The following PAPPA2 variants were observed in gnomAD, a reference collection of about 807,000 sequenced individuals.
PAPPA2 encodes the protein pappalysin 2.
A neutral mutation model predicts 176.4 loss-of-function variants in PAPPA2; 86 were observed. That is an observed-to-expected ratio of 0.49 (90% CI 0.41 to 0.58). PAPPA2 has a LOEUF of 0.58. PAPPA2 is among the 20% of genes least tolerant of loss of function. PAPPA2 has a pLI of 0.00. For missense variants in PAPPA2, 2,073 were observed against 2,256.9 expected (o/e 0.92, Z 1.65); for synonymous variants, 809 against 852.2 (o/e 0.95, Z 0.88).
intron 21 of PAPPA2, among the ~76,000 whole-genome samples, chr1:176,838,411 G>A (rs1032510244): frequency 2.0e-5 from 3 of 152,124 alleles, no homozygotes; most frequent in Admixed American, 6.5e-5. Context: ...AAAAAAGAAG[G>A]AACTTACTAG....
chr1:176,674,891 C>G (rs750350477), intron 4 of PAPPA2, among the ~76,000 whole-genome samples: 13 of 151,990 alleles, frequency 8.6e-5, no homozygotes, highest in Admixed American at 1.3e-4. Flanking sequence ...TACATTCACA[C>G]CAGCAGTGTG....
At chr1:176,730,456 A>C (rs975264645) in intron 12 of PAPPA2, among the ~76,000 whole-genome samples, 3 of 151,712 alleles carry the variant, frequency 2.0e-5, no homozygotes, top group African/African-American at 7.3e-5. Flanking sequence ...TAGTTGTTAC[A>C]TCCTTTCTTG....
intron 17 of PAPPA2, among the ~76,000 whole-genome samples, chr1:176,788,129 C>T (rs554629074): frequency 1.3e-5 from 2 of 152,264 alleles, no homozygotes; most frequent in African/African-American, 4.8e-5. Context: ...TTGGTGTTAT[C>T]GAATGTGCCT....
At chr1:176,480,336 G>T (rs2072991) in intron 1 of PAPPA2, among the ~76,000 whole-genome samples, 1 of 152,014 alleles carries the variant, frequency 6.6e-6, no homozygotes, top group African/African-American at 2.4e-5. Flanking sequence ...GGAGAGGGCC[G>T]CTCCATGGCT....
At chr1:176,739,955 A>G (rs376780288) in intron 13 of PAPPA2, 25 bp from the exon 14 acceptor site, 1 of 1,609,868 alleles carries the variant, frequency 6.2e-7, no homozygotes, top group Non-Finnish European at 8.5e-7. Flanking sequence ...GGCTGAAAAT[A>G]TGATTCATCT....
chr1:176,771,278 C>A, intron 17 of PAPPA2, 98 bp downstream of exon 17: 1 of 1,283,468 alleles, frequency 7.8e-7, no homozygotes, highest in Non-Finnish European at 1.1e-6. Context: ...GGGCTATATT[C>A]TCCAGTCATG....
chr1:176,568,706 G>A (rs1036651433), intron 2 of PAPPA2, among the ~76,000 whole-genome samples: 4 of 152,298 alleles, frequency 2.6e-5, no homozygotes, highest in Admixed American at 2.0e-4. Flanking sequence ...CACATGACAT[G>A]TAATGCCAGT....
At chr1:176,574,412 G>T (rs912364692) in intron 2 of PAPPA2, among the ~76,000 whole-genome samples, 1 of 152,042 alleles carries the variant, frequency 6.6e-6, no homozygotes, top group Non-Finnish European at 1.5e-5. Context: ...TATTAAGTTT[G>T]GTTTATCTAG....
At chr1:176,769,509 G>T in intron 15 of PAPPA2, 98 bp from the exon 16 acceptor site, 1 of 1,309,176 alleles carries the variant, frequency 7.6e-7, no homozygotes, top group South Asian at 1.3e-5. Context: ...CGTTTTAAAT[G>T]TTTAGACAGA....
intron 14 of PAPPA2, among the ~76,000 whole-genome samples, chr1:176,745,344 C>T (rs1235782660): frequency 5.9e-5 from 9 of 152,150 alleles, no homozygotes; most frequent in African/African-American, 9.7e-5. Flanking sequence ...TTTCAGTTGG[C>T]TCTTCATCAC....
intron 4 of PAPPA2, among the ~76,000 whole-genome samples, chr1:176,672,879 A>C (rs1659089168): frequency 6.6e-6 from 1 of 152,098 alleles, no homozygotes; most frequent in South Asian, 2.1e-4. Context: ...AGAAATCAGA[A>C]ATTTGTGATG....
intron 17 of PAPPA2, among the ~76,000 whole-genome samples, chr1:176,788,143 A>C (rs898648326): frequency 5.3e-5 from 8 of 152,228 alleles, no homozygotes; most frequent in Non-Finnish European, 8.8e-5. Context: ...TGTGCCTTGC[A>C]ATGTACCTGA....
intron 1 of PAPPA2, among the ~76,000 whole-genome samples, chr1:176,548,359 T>C (rs1051967644): frequency 6.6e-6 from 1 of 152,144 alleles, no homozygotes; most frequent in Non-Finnish European, 1.5e-5. Context: ...CTCTGGAAGA[T>C]ACTCTAGCAG....
intron 1 of PAPPA2, among the ~76,000 whole-genome samples, chr1:176,473,007 TTGA>T (rs1342949050): frequency 1.3e-5 from 2 of 152,192 alleles, no homozygotes; most frequent in Non-Finnish European, 2.9e-5. Flanking sequence ...TTTGTTACAA[TTGA>T]TGAGCCTACA....
chr1:176,693,426 C>A (rs1289006362), intron 6 of PAPPA2, among the ~76,000 whole-genome samples: 1 of 152,206 alleles, frequency 6.6e-6, no homozygotes, highest in Non-Finnish European at 1.5e-5. Context: ...TGGATGCTTT[C>A]TTTTAATTTA....
intron 4 of PAPPA2, among the ~76,000 whole-genome samples, chr1:176,676,358 A>G (rs1471438253): frequency 1.3e-5 from 2 of 151,910 alleles, no homozygotes; most frequent in East Asian, 3.9e-4. Context: ...TTCAGTGCCG[A>G]TTGCTTAAAC....
chr1:176,842,716 T>G lies in PAPPA2; in HGVS notation c.*262T>G. 2.2e-6 allele frequency: 1 copy of G among 456,648 alleles called. No homozygotes were observed. The allele number at this position is 456,648 out of a possible 1,614,324, so 28.3% of individuals were successfully genotyped here. On this transcript the variant is annotated 3_prime_UTR_variant, in exon 23 of 23. Transcript: ENST00000367662. Reference sequence around the variant, plus strand: ...CATGGAAGGGGAAATATGATAGATATATAAGGACCCTCCTCCCTCACTTAT... The same window carrying G: ...CATGGAAGGGGAAATATGATAGATAGATAAGGACCCTCCTCCCTCACTTAT...
chr1:176,766,013 A>C (rs1379138546), intron 15 of PAPPA2, among the ~76,000 whole-genome samples, 176 bp downstream of exon 15: 1 of 152,196 alleles, frequency 6.6e-6, no homozygotes, highest in Non-Finnish European at 1.5e-5. Context: ...AGGTATATAA[A>C]AGCATGTACA....
At chr1:176,655,168 T>G (rs1204023591) in intron 3 of PAPPA2, among the ~76,000 whole-genome samples, 1 of 151,882 alleles carries the variant, frequency 6.6e-6, no homozygotes, top group African/African-American at 2.4e-5. Flanking sequence ...AAGGAATGCT[T>G]TCAACTTTTC....
Sources: gnomAD v4.1 joint callset for allele counts (sites outside exome capture counted in the v4.1 genomes callset) on GRCh38, gnomAD v4.1.1 for gene constraint, MANE v1.5 for transcripts, NCBI Gene and HGNC (gene_info 2026-07-23, HGNC 2026-07-21) for gene names.